The following PLSCR2 variants were observed in gnomAD, a reference collection of about 807,000 sequenced individuals.
PLSCR2 encodes PL scramblase 2.
A neutral mutation model predicts 25.3 loss-of-function variants in PLSCR2; 18 were observed. That is an observed-to-expected ratio of 0.71 (90% CI 0.49 to 1.06). The LOEUF is 1.06. PLSCR2 is among the 50% of genes least tolerant of loss of function. The pLI is 0.00. For missense variants in PLSCR2, 243 were observed against 269.5 expected, an observed-to-expected ratio of 0.90 and a Z score of 0.69; for synonymous variants, 88 against 87.3, an observed-to-expected ratio of 1.01 and a Z score of -0.04.
chr3:146,473,698 TA>T (rs1372786308), intron 1 of PLSCR2, among the ~76,000 whole-genome samples: 17 of 152,344 alleles, frequency 1.1e-4, no homozygotes, highest in South Asian at 2.1e-4. Flanking sequence ...TCTTACATGG[TA>T]AAATAGTGGT....
At chr3:146,402,612 C>T (rs753610459) in intron 2 of PLSCR2, among the ~76,000 whole-genome samples, 11 of 152,112 alleles carry the variant, frequency 7.2e-5, no homozygotes, top group South Asian at 4.2e-4. Flanking sequence ...AGACTACAGG[C>T]GCGTGCCACC....
chr3:146,467,648 T>C (rs1192709123), intron 1 of PLSCR2, among the ~76,000 whole-genome samples: 3 of 151,968 alleles, frequency 2.0e-5, no homozygotes, highest in African/African-American at 7.2e-5. Flanking sequence ...ACAATACAAA[T>C]GTATTTGTAC....
chr3:146,431,911 G>GATCTATGT (rs888827401), downstream of PLSCR2, among the ~76,000 whole-genome samples: 1 of 149,068 alleles, frequency 6.7e-6, no homozygotes, highest in Non-Finnish European at 1.5e-5. Flanking sequence ...TACACATCAA[G>GATCTATGT]ATCTATGTGA....
At chr3:146,482,811 A>C (rs911274232) in intron 1 of PLSCR2, among the ~76,000 whole-genome samples, 2 of 152,184 alleles carry the variant, frequency 1.3e-5, no homozygotes, top group Non-Finnish European at 2.9e-5. Context: ...AATAGCAAAG[A>C]CTTGGAACCA....
At chr3:146,433,469 C>T (rs1448579917) in exon 9 of PLSCR2, 5 of 151,956 alleles carry the variant, frequency 3.3e-5, no homozygotes, top group South Asian at 2.1e-4. Flanking sequence ...AGGAAGGAAC[C>T]GTTTAGATCA....
At chr3:146,432,287 C>T (rs2039575749), downstream of PLSCR2, among the ~76,000 whole-genome samples, 1 of 152,128 alleles carries the variant, frequency 6.6e-6, no homozygotes, top group Non-Finnish European at 1.5e-5. Flanking sequence ...TTGAGCACCT[C>T]CTTGAGTTTC....
intron 1 of PLSCR2, among the ~76,000 whole-genome samples, chr3:146,479,117 C>T (rs1228215958): frequency 7.2e-5 from 11 of 152,102 alleles, no homozygotes; most frequent in Admixed American, 4.6e-4. Flanking sequence ...AAAGGAAAAC[C>T]GGTACCAGCC....
chr3:146,407,846 C>G (rs1449083756), intron 2 of PLSCR2, among the ~76,000 whole-genome samples: 1 of 152,116 alleles, frequency 6.6e-6, no homozygotes, highest in African/African-American at 2.4e-5. Flanking sequence ...ACTCCTTGCT[C>G]GAGAAAGCTG....
chr3:146,473,327 CAG>C (rs1355811889), intron 1 of PLSCR2, among the ~76,000 whole-genome samples: 2 of 105,340 alleles, frequency 1.9e-5, no homozygotes, highest in Non-Finnish European at 3.7e-5. Context: ...TTTTTTAAGA[CAG>C]AGTCTTGCTC....
chr3:146,400,125 GTAAA>G (rs1381444091), intron 2 of PLSCR2, among the ~76,000 whole-genome samples: 2 of 151,694 alleles, frequency 1.3e-5, no homozygotes, highest in African/African-American at 4.8e-5. Context: ...AATCCAGAGA[GTAAA>G]TAAATACATA....
At chr3:146,423,148 C>A (rs181339240) in intron 2 of PLSCR2, among the ~76,000 whole-genome samples, 30 of 151,544 alleles carry the variant, frequency 2.0e-4, no homozygotes, top group African/African-American at 6.8e-4. Flanking sequence ...ACTCCCACTA[C>A]ATTCTTATGT....
intron 2 of PLSCR2, among the ~76,000 whole-genome samples, chr3:146,417,063 C>T (rs1032449713): frequency 3.3e-5 from 5 of 150,844 alleles, no homozygotes; most frequent in Non-Finnish European, 5.9e-5. Context: ...AGATCTCTGT[C>T]TCCAGCACCA....
At chr3:146,449,731 G>T (rs900208695) in intron 5 of PLSCR2, among the ~76,000 whole-genome samples, 9 of 152,142 alleles carry the variant, frequency 5.9e-5, no homozygotes, top group Non-Finnish European at 1.3e-4. Flanking sequence ...GAAGCCATCA[G>T]GAAGGAAACA....
In PLSCR2 at chr3:146,449,200, A is replaced by G. The variant is rs1391373159; in HGVS notation, c.645+6T>C. ...CTGTCACCAAGATTAGCAGGAATAG[A>G]CTTACAATGAGGAAACAGGCACCAA... On this transcript the variant is annotated splice_donor_region_variant and intron_variant, in intron 6 of 6. Coordinates refer to ENST00000610787, the Ensembl canonical transcript of PLSCR2. The G allele has an allele frequency of 1.2e-6, 2 of 1,606,726 alleles. No individual in the cohort carries two copies. The highest frequency in any genetic ancestry group is 1.7e-6 in the Non-Finnish European group (2 of 1,175,004).
chr3:146,468,400 G>C (rs2041960080), intron 1 of PLSCR2, among the ~76,000 whole-genome samples: 1 of 152,210 alleles, frequency 6.6e-6, no homozygotes, highest in Admixed American at 6.5e-5. Flanking sequence ...TGTCATAAGC[G>C]GGAAGAAACA....
chr3:146,426,352 G>GATT (rs1326967157), intron 2 of PLSCR2, among the ~76,000 whole-genome samples: 1 of 150,814 alleles, frequency 6.6e-6, no homozygotes. Flanking sequence ...GAAAATGTCT[G>GATT]ATTATTCTAC....
chr3:146,478,237 C>T (rs1324096527), intron 1 of PLSCR2, among the ~76,000 whole-genome samples: 7 of 152,174 alleles, frequency 4.6e-5, no homozygotes, highest in Admixed American at 4.6e-4. Flanking sequence ...TGGAGAATTA[C>T]TTTGACGAGA....
chr3:146,422,589 C>T (rs576866055), intron 2 of PLSCR2, among the ~76,000 whole-genome samples: 6 of 152,108 alleles, frequency 3.9e-5, no homozygotes, highest in South Asian at 2.1e-4. Context: ...TTCCACTTAG[C>T]GGACCAAGTT....
At chr3:146,447,242 C>T (rs540522156) in intron 6 of PLSCR2, among the ~76,000 whole-genome samples, 3 of 152,322 alleles carry the variant, frequency 2.0e-5, no homozygotes, top group Middle Eastern at 3.4e-3. Flanking sequence ...TCTTCCCTCT[C>T]CTTTCCTCAA....
Sources: gnomAD v4.1 joint callset for allele counts (sites outside exome capture counted in the v4.1 genomes callset) on GRCh38, gnomAD v4.1.1 for gene constraint, MANE v1.5 for transcripts, NCBI Gene and HGNC (gene_info 2026-07-23, HGNC 2026-07-21) for gene names.